The following RIMS4 variants were observed in gnomAD, a reference collection of about 807,000 sequenced individuals.
RIMS4 encodes regulating synaptic membrane exocytosis 4.
A neutral mutation model predicts 29.0 loss-of-function variants in RIMS4; 9 were observed. The observed-to-expected ratio is 0.31, with a 90% CI of 0.19 to 0.54. RIMS4 has a LOEUF of 0.54. Among genes scored for constraint, RIMS4 ranks in the 20% least tolerant of loss-of-function variants. The pLI is 0.94. For synonymous variants in RIMS4, 130 were observed against 152.9 expected, an observed-to-expected ratio of 0.85 and a Z score of 1.10; for missense variants, 193 against 365.7, an observed-to-expected ratio of 0.53 and a Z score of 3.85.
chr20:44,809,862 G>A (rs76876463), intron 1 of RIMS4, among the ~76,000 whole-genome samples: 44 of 152,142 alleles, frequency 2.9e-4, no homozygotes, highest in Non-Finnish European at 4.7e-4. Context: ...ACTCAGGGAG[G>A]GTGGCAGGTC....
chr20:44,760,472 C>T (rs1458360086), intron 2 of RIMS4, among the ~76,000 whole-genome samples: 1 of 152,096 alleles, frequency 6.6e-6, no homozygotes, highest in Non-Finnish European at 1.5e-5. Context: ...GCCTGGTGGT[C>T]TGGGCAAAGA....
intron 1 of RIMS4, among the ~76,000 whole-genome samples, chr20:44,799,599 A>G (rs949562584): frequency 6.6e-6 from 1 of 152,164 alleles, no homozygotes; most frequent in African/African-American, 2.4e-5. Context: ...GAGTGCAGTG[A>G]GTGTGGTGGA....
intron 2 of RIMS4, among the ~76,000 whole-genome samples, chr20:44,760,111 G>A (rs902990105): frequency 6.6e-6 from 1 of 152,160 alleles, no homozygotes; most frequent in South Asian, 2.1e-4. Context: ...ATCCTGCCCC[G>A]AAACAGACAA....
At position 44,758,069 on chromosome 20, in the gene RIMS4, C is replaced by T. The variant is rs2066068397; in HGVS notation, c.349+3G>A. 1.9e-6 allele frequency: 3 copies of T among 1,595,980 alleles called. No individual in the cohort carries two copies. Among genetic ancestry groups the T allele is most frequent in the Middle Eastern group, 1.7e-4 (1 of 5,878 alleles). On this transcript the variant is annotated splice_donor_region_variant and intron_variant, in intron 3 of 5. Transcript: ENST00000372851. ...CATTTGAAACCAGCCTTGGGGCACT[C>T]ACCCATGGGTGTGGTGGCCAGGGTC...
chr20:44,800,642 G>C (rs1374636785), intron 1 of RIMS4, among the ~76,000 whole-genome samples: 1 of 152,006 alleles, frequency 6.6e-6, no homozygotes, highest in African/African-American at 2.4e-5. Flanking sequence ...CAGAGTCAGG[G>C]GGAGACAAAG....
intron 1 of RIMS4, among the ~76,000 whole-genome samples, chr20:44,788,097 C>T (rs1344214605): frequency 1.3e-5 from 2 of 152,236 alleles, no homozygotes; most frequent in Non-Finnish European, 2.9e-5. Flanking sequence ...GGCTCCAGAC[C>T]TCAGTCTCTA....
chr20:44,770,065 C>G (rs1246555430), intron 2 of RIMS4, among the ~76,000 whole-genome samples: 1 of 152,208 alleles, frequency 6.6e-6, no homozygotes, highest in Admixed American at 6.5e-5. Context: ...TAGCCACATG[C>G]TTCTAGTGGC....
chr20:44,777,563 G>T (rs1263502356), intron 1 of RIMS4, among the ~76,000 whole-genome samples: 2 of 152,072 alleles, frequency 1.3e-5, no homozygotes, highest in African/African-American at 4.8e-5. Context: ...CTTGTCCAAG[G>T]TTATACCAGA....
intron 1 of RIMS4, among the ~76,000 whole-genome samples, chr20:44,804,514 T>TTTTTAAAA (rs2145481212): frequency 6.6e-6 from 1 of 152,184 alleles, no homozygotes; most frequent in South Asian, 2.1e-4. Flanking sequence ...TTAAAAGACA[T>TTTTTAAAA]GATGAAATGA....
chr20:44,784,318 C>G (rs572410142), intron 1 of RIMS4, among the ~76,000 whole-genome samples: 1 of 152,182 alleles, frequency 6.6e-6, no homozygotes, highest in Non-Finnish European at 1.5e-5. Flanking sequence ...CCAGTCCCAC[C>G]AGGGCAAGCC....
At chr20:44,774,565 C>T (rs1357373137) in intron 1 of RIMS4, among the ~76,000 whole-genome samples, 1 of 152,266 alleles carries the variant, frequency 6.6e-6, no homozygotes, top group Non-Finnish European at 1.5e-5. Flanking sequence ...GGGACTCAGA[C>T]TGGCTTCCTT....
Position 44,771,401 on chromosome 20 carries a change from C to T in RIMS4, c.110G>A (p.Arg37Lys). The part of the protein sequence containing the change: ...FDDEDAGDSR[R>K]LKGAIQRSTE... ...GCTCCTCTGGATGGCCCCCTTCAGC[C>T]TCCGGCTGTCCCCTTCTGGGCAAAG... The change falls in exon 2 of 6, where the codon AGG becomes AAG. Residue 37 changes from arginine to lysine, a missense_variant. Transcript: ENST00000372851. 1.2e-6 allele frequency: 2 copies of T among 1,612,244 alleles called. No individual in the cohort carries two copies. The highest frequency in any genetic ancestry group is 1.7e-6 in the Non-Finnish European group (2 of 1,178,906).
chr20:44,803,414 T>C (rs1389328664), intron 1 of RIMS4, among the ~76,000 whole-genome samples: 2 of 152,110 alleles, frequency 1.3e-5, no homozygotes, highest in Non-Finnish European at 2.9e-5. Flanking sequence ...CTTCCAGTCT[T>C]GGAAAGCCAG....
intron 1 of RIMS4, among the ~76,000 whole-genome samples, chr20:44,799,016 C>G (rs1013709179): frequency 2.6e-5 from 4 of 152,210 alleles, no homozygotes; most frequent in African/African-American, 9.6e-5. Flanking sequence ...TTAAATTCTC[C>G]CTTGAGCCGG....
chr20:44,758,101 C>T lies in RIMS4; in HGVS notation c.320G>A (p.Gly107Asp). The T allele has an allele frequency of 6.2e-7, 1 of 1,612,614 alleles. No individual in the cohort carries two copies. Among genetic ancestry groups the T allele is most frequent in the Non-Finnish European group, 8.5e-7 (1 of 1,179,186 alleles). Residue 107 changes from glycine (G) to aspartate (D), a missense_variant, in exon 3 of 6, where the codon GGC becomes GAC. By Grantham distance (94) the Gly-to-Asp change is moderately conservative (BLOSUM62 -1). Transcript: ENST00000372851. Reference sequence around the variant, plus strand: ...GGGTGTGGTGGCCAGGGTCTGGCGGCCCACAAACTGTGCCGGCCCCATGCT... The same window carrying T: ...GGGTGTGGTGGCCAGGGTCTGGCGGTCCACAAACTGTGCCGGCCCCATGCT... ...LGSMGPAQFV[G>D]RQTLATTPMG...
chr20:44,773,462 T>C (rs992249136), intron 1 of RIMS4, among the ~76,000 whole-genome samples: 1 of 152,068 alleles, frequency 6.6e-6, no homozygotes, highest in African/African-American at 2.4e-5. Flanking sequence ...ACTGTACATA[T>C]GTCCCTGTCA....
At chr20:44,785,459 C>T (rs6103861) in intron 1 of RIMS4, among the ~76,000 whole-genome samples, 48,950 of 152,084 alleles carry the variant, frequency 0.32, 8,020 homozygotes, top group East Asian at 0.44. Flanking sequence ...GATCCTCCTG[C>T]CTTGGCCTTC....
chr20:44,790,337 T>C (rs1191128195), intron 1 of RIMS4, among the ~76,000 whole-genome samples: 1 of 152,192 alleles, frequency 6.6e-6, no homozygotes, highest in Non-Finnish European at 1.5e-5. Context: ...AATGAAGGCA[T>C]GCTCTGGCCA....
chr20:44,784,680 T>G (rs1015687728), intron 1 of RIMS4, among the ~76,000 whole-genome samples: 1 of 152,244 alleles, frequency 6.6e-6, no homozygotes, highest in African/African-American at 2.4e-5. Flanking sequence ...TCCTACTCCT[T>G]GGATGAGCAG....
Sources: gnomAD v4.1 joint callset for allele counts (sites outside exome capture counted in the v4.1 genomes callset) on GRCh38, gnomAD v4.1.1 for gene constraint, MANE v1.5 for transcripts, NCBI Gene and HGNC (gene_info 2026-07-23, HGNC 2026-07-21) for gene names.